The following MEF2C variants were observed in gnomAD, a reference collection of about 807,000 sequenced individuals.
MEF2C encodes the protein myocyte-specific enhancer factor 2C.
Under a neutral mutation model 50.5 loss-of-function variants are expected in MEF2C, and 6 were observed. The ratio of observed to expected loss-of-function variants is 0.12; its 90% CI spans 0.07 to 0.23. The LOEUF (loss-of-function observed/expected upper bound fraction) is 0.23, where lower values mean the gene tolerates loss of function less well. Among genes scored for constraint, MEF2C ranks in the 10% least tolerant of loss-of-function variants. MEF2C has a pLI of 1.00. For missense variants in MEF2C, 276 were observed against 605.0 expected, an observed-to-expected ratio of 0.46 and a Z score of 5.70; for synonymous variants, 183 against 228.0, an observed-to-expected ratio of 0.80 and a Z score of 1.78.
chr5:88,762,495 T>A (rs1778303445), intron 3 of MEF2C, among the ~76,000 whole-genome samples: 2 of 152,164 alleles, frequency 1.3e-5, no homozygotes, highest in African/African-American at 4.8e-5. Flanking sequence ...CTCAAATTCC[T>A]TGCCTCATGT....
At chr5:88,898,290 C>T (rs1835315690) in intron 1 of MEF2C, among the ~76,000 whole-genome samples, 1 of 152,152 alleles carries the variant, frequency 6.6e-6, no homozygotes, top group Non-Finnish European at 1.5e-5. Flanking sequence ...CTAATTATCT[C>T]AAATTTCTGT....
chr5:88,798,916 C>T (rs942089920), intron 3 of MEF2C, among the ~76,000 whole-genome samples: 9 of 152,172 alleles, frequency 5.9e-5, no homozygotes, highest in African/African-American at 2.2e-4. Context: ...TGCAGGTCTG[C>T]TGGAGTTTGC....
chr5:88,832,902 T>C (rs1228968088), intron 1 of MEF2C, among the ~76,000 whole-genome samples: 1 of 152,168 alleles, frequency 6.6e-6, no homozygotes, highest in African/African-American at 2.4e-5. Flanking sequence ...TCAGAGCAGA[T>C]GGATTAGAAC....
At chr5:88,844,004 G>T (rs1208719484) in intron 1 of MEF2C, among the ~76,000 whole-genome samples, 1 of 152,036 alleles carries the variant, frequency 6.6e-6, no homozygotes, top group Non-Finnish European at 1.5e-5. Flanking sequence ...TAGAGACGGG[G>T]TTTCACCATG....
intron 3 of MEF2C, among the ~76,000 whole-genome samples, chr5:88,775,446 G>T (rs1784318569): frequency 6.6e-6 from 1 of 152,090 alleles, no homozygotes; most frequent in South Asian, 2.1e-4. Context: ...TTCTTTCTAG[G>T]TTAAATACTT....
At chr5:88,837,442 A>G (rs1815611451) in intron 1 of MEF2C, among the ~76,000 whole-genome samples, 1 of 152,194 alleles carries the variant, frequency 6.6e-6, no homozygotes, top group African/African-American at 2.4e-5. Context: ...CACTAAGCGC[A>G]AAGCAATACT....
chr5:88,753,159 G>C (rs1773647357), intron 4 of MEF2C, among the ~76,000 whole-genome samples: 1 of 151,850 alleles, frequency 6.6e-6, no homozygotes, highest in African/African-American at 2.4e-5. Flanking sequence ...TTACTGTTTG[G>C]TTGGCTGGCC....
intron 2 of MEF2C, among the ~76,000 whole-genome samples, chr5:88,816,375 G>A (rs1805383601): frequency 6.7e-6 from 1 of 148,664 alleles, no homozygotes; most frequent in Non-Finnish European, 1.5e-5. Flanking sequence ...GATTATTTGT[G>A]AATTCTTTTC....
intron 3 of MEF2C, among the ~76,000 whole-genome samples, chr5:88,774,512 C>T (rs1204365160): frequency 2.0e-5 from 3 of 151,900 alleles, no homozygotes; most frequent in Non-Finnish European, 1.5e-5. Context: ...TTAGTAGAGA[C>T]GGGGTTTCAC....
At chr5:88,899,531 A>G (rs775545510) in intron 1 of MEF2C, among the ~76,000 whole-genome samples, 5 of 152,184 alleles carry the variant, frequency 3.3e-5, no homozygotes, top group Non-Finnish European at 7.4e-5. Context: ...ATGACTTTGC[A>G]GTGAAACAGA....
chr5:88,869,260 T>TAC (rs1554050872), intron 1 of MEF2C, among the ~76,000 whole-genome samples: 1 of 62,132 alleles, frequency 1.6e-5, no homozygotes, highest in Non-Finnish European at 3.1e-5. Context: ...TTCATATATA[T>TAC]ATATATATAT....
chr5:88,853,733 C>A (rs1822240564), intron 1 of MEF2C, among the ~76,000 whole-genome samples: 1 of 152,004 alleles, frequency 6.6e-6, no homozygotes, highest in African/African-American at 2.4e-5. Flanking sequence ...AGATATAAAC[C>A]CTTTCCAATG....
At chr5:88,739,565 C>T (rs1277716536) in intron 6 of MEF2C, 1 of 984,628 alleles carries the variant, frequency 1.0e-6, no homozygotes, top group Non-Finnish European at 1.2e-6. Context: ...CATAAACTTG[C>T]TCATACAATC....
intron 2 of MEF2C, among the ~76,000 whole-genome samples, chr5:88,805,867 A>AT (rs1199921802): frequency 1.1e-4 from 8 of 71,670 alleles, no homozygotes; most frequent in Non-Finnish European, 1.0e-4. Flanking sequence ...GGAGTCTCTT[A>AT]TAAACCTTTA....
At chr5:88,798,428 T>G (rs1336238296) in intron 3 of MEF2C, among the ~76,000 whole-genome samples, 1 of 152,046 alleles carries the variant, frequency 6.6e-6, no homozygotes, top group Non-Finnish European at 1.5e-5. Flanking sequence ...GCTTGATCGA[T>G]TTGGGTATTG....
chr5:88,831,447 G>T (rs1339482594), intron 1 of MEF2C, among the ~76,000 whole-genome samples: 2 of 151,272 alleles, frequency 1.3e-5, no homozygotes, highest in Non-Finnish European at 1.5e-5. Context: ...TTATGTCCTT[G>T]AAAATAATTT....
At chr5:88,858,348 G>C (rs1581653959) in intron 1 of MEF2C, among the ~76,000 whole-genome samples, 1 of 152,240 alleles carries the variant, frequency 6.6e-6, no homozygotes, top group East Asian at 1.9e-4. Flanking sequence ...TCATTTCAGG[G>C]GACCCTTAAA....
intron 6 of MEF2C, chr5:88,735,942 T>C (rs1327653833): frequency 1.0e-6 from 1 of 985,252 alleles, no homozygotes; most frequent in African/African-American, 1.7e-5. Flanking sequence ...TTTTCTTTTC[T>C]AGGACTTTGA....
intron 1 of MEF2C, among the ~76,000 whole-genome samples, chr5:88,839,062 A>G (rs1816277202): frequency 1.3e-5 from 2 of 152,304 alleles, no homozygotes; most frequent in Admixed American, 1.3e-4. Context: ...ATAGAAGTTA[A>G]CATGACAGTT....
Sources: gnomAD v4.1 joint callset for allele counts (sites outside exome capture counted in the v4.1 genomes callset) on GRCh38, gnomAD v4.1.1 for gene constraint, MANE v1.5 for transcripts, NCBI Gene and HGNC (gene_info 2026-07-23, HGNC 2026-07-21) for gene names.